The following C1orf167 variants were observed in gnomAD, a reference collection of about 807,000 sequenced individuals.
The protein encoded by C1orf167 is uncharacterized protein C1orf167.
C1orf167 carries 153 observed loss-of-function variants against 176.5 expected under a neutral mutation model. The observed-to-expected ratio is 0.87, with a 90% CI of 0.76 to 0.99. The LOEUF (loss-of-function observed/expected upper bound fraction) is 0.99, where lower values mean the gene tolerates loss of function less well. C1orf167 is among the 50% of genes least tolerant of loss of function. The probability of loss-of-function intolerance (pLI) is 0.00; values close to 1 mark genes in which losing one functional copy is unlikely to be tolerated. For synonymous variants in C1orf167, 594 were observed against 752.7 expected (o/e 0.79, Z 3.45); for missense variants, 1,490 against 1,817.7 (o/e 0.82, Z 3.28).
At chr1:11,762,375 G>A in intron 1 of C1orf167, 70 bp downstream of exon 1, 2 of 353,648 alleles carry the variant, frequency 5.7e-6, no homozygotes, top group South Asian at 4.2e-5. Context: ...GGGAGGCTGT[G>A]AGCCCCCTTA....
intron 17 of C1orf167, 31 bp downstream of exon 17, chr1:11,787,524 G>C (rs1272087701): frequency 7.9e-7 from 1 of 1,268,528 alleles, no homozygotes; most frequent in Admixed American, 2.5e-5. Flanking sequence ...GGGACAAACG[G>C]TGTCTGAAGT....
chr1:11,764,480 T>G lies in C1orf167; in HGVS notation c.70+10T>G, dbSNP rs1195577297. ...GCGCTCCCGAAGCCAGGCAAGAGGC[T>G]TAGTGGGCCTGGATGGGCAGTTACA... is the stretch of plus-strand genomic sequence containing the variant. On this transcript the variant is annotated intron_variant, in intron 2 of 20. Coordinates refer to ENST00000688073, the MANE Select transcript of C1orf167 (RefSeq NM_001010881.2). The G allele has an allele frequency of 2.3e-6, 3 of 1,289,150 alleles. No homozygotes were observed. The highest frequency in any genetic ancestry group is 3.0e-6 in the Non-Finnish European group (3 of 988,742). The allele number at this position is 1,289,150 out of a possible 1,614,324, so 79.9% of individuals were successfully genotyped here.
At position 11,768,004 on chromosome 1, in the gene C1orf167, G is replaced by A. The variant is rs1642880454; in HGVS notation, c.1344-73G>A. ...GATTGCTGGAAAGGCATCTCAGAGG[G>A]TATCCAGCCACTGGGCTGTCCCTGG... On this transcript the variant is annotated intron_variant, in intron 4 of 20. Transcript: ENST00000688073. The surrounding 1 kb of genome is among the most constrained non-coding windows in gnomAD (Gnocchi z 4.5). The A allele has an allele frequency of 8.7e-7, 1 of 1,144,154 alleles. No individual in the cohort carries two copies. Among genetic ancestry groups the A allele is most frequent in the African/African-American group, 1.6e-5 (1 of 62,282 alleles). The allele number at this position is 1,144,154 out of a possible 1,614,324, so 70.9% of individuals were successfully genotyped here.
chr1:11,773,633 G>A (rs918402129), intron 8 of C1orf167, among the ~76,000 whole-genome samples: 8 of 152,030 alleles, frequency 5.3e-5, no homozygotes, highest in Non-Finnish European at 8.8e-5. Flanking sequence ...GCTTGAACCC[G>A]GGAGGCAGAG....
At chr1:11,762,470 C>T (rs1642556826) in intron 1 of C1orf167, among the ~76,000 whole-genome samples, 165 bp downstream of exon 1, 1 of 151,864 alleles carries the variant, frequency 6.6e-6, no homozygotes, top group South Asian at 2.1e-4. Context: ...AGAGCTCCGG[C>T]GTGAGGGGCA....
rs970532415 is a variant in C1orf167 at position 11,762,492 on chromosome 1, A to C, written c.-71+187A>C. ...CGGCGTGAGGGGCAGGGGTGCAGGA[A>C]GGTCTCCTGTGGATTGAGCGGCCTC... On this transcript the variant is annotated intron_variant, in intron 1 of 20. Transcript: ENST00000688073. 2.6e-5 allele frequency among the ~76,000 whole-genome samples: 4 copies of C among 152,292 alleles called. No individual in the cohort carries two copies. In the East Asian group the frequency reaches 7.7e-4, roughly 29 times the overall value.
Position 11,788,640 on chromosome 1 carries a change from C to G in C1orf167, c.4079-12C>G. 9 of 1,304,118 alleles carry G rather than the reference C, an allele frequency of 6.9e-6. No individual in the cohort carries two copies. The highest frequency in any genetic ancestry group is 9.1e-6 in the Non-Finnish European group (9 of 988,814). The allele number at this position is 1,304,118 out of a possible 1,614,324, so 80.8% of individuals were successfully genotyped here. A position where few individuals can be genotyped will look rare whatever the true frequency, so the allele number is the denominator to read the frequency against. ...GAGCACAAGAGGCCTTCTCTGCCAA[C>G]TGTCCCCAAAGCTCAGGGAGTGGCA... On this transcript the variant is annotated splice_polypyrimidine_tract_variant and intron_variant, in intron 19 of 20. Coordinates refer to ENST00000688073, the MANE Select transcript of C1orf167 (RefSeq NM_001010881.2).
In C1orf167 at chr1:11,789,490, C is replaced by T; in HGVS notation, c.*44C>T. On this transcript the variant is annotated 3_prime_UTR_variant, in exon 21 of 21. Transcript: ENST00000688073. ...AAAACAGAACTGAACTTAGCCTTCCCAGGGAAGGAACCATGCCCCACACAT... is the reference window on the plus strand; with the variant it reads ...AAAACAGAACTGAACTTAGCCTTCCTAGGGAAGGAACCATGCCCCACACAT... The T allele has an allele frequency of 7.7e-7, 1 of 1,290,342 alleles. No homozygotes were observed. The allele number at this position is 1,290,342 out of a possible 1,614,324, so 79.9% of individuals were successfully genotyped here.
At chr1:11,779,640 G>T in intron 12 of C1orf167, 162 bp from the exon 13 acceptor site, 1 of 427,516 alleles carries the variant, frequency 2.3e-6, no homozygotes, top group South Asian at 2.1e-5. Flanking sequence ...AGAGGTGCTT[G>T]GCCCCTCCAG....
Position 11,768,154 on chromosome 1 carries a change from T to TGGCACTGGGCCGCTGGCAGC in C1orf167, c.1422_1441dup (p.Leu481ArgfsTer97). The TGGCACTGGGCCGCTGGCAGC allele has an allele frequency of 7.8e-7, 1 of 1,287,904 alleles. No homozygotes were observed. Among genetic ancestry groups the TGGCACTGGGCCGCTGGCAGC allele is most frequent in the East Asian group, 5.6e-5 (1 of 18,002 alleles). 79.8% of individuals were successfully genotyped at this position (1,287,904 alleles called of 1,614,324 possible). On this transcript the variant is annotated frameshift_variant, in exon 5 of 21. Transcript: ENST00000688073. LOFTEE classifies it high-confidence loss of function. This position sits in a 1 kb window ranked among gnomAD's most constrained non-coding sequence, Gnocchi z 4.5. ...CAGCGGGAGCCAGCGGCGGCGGCAG[T>TGGCACTGGGCCGCTGGCAGC]GGCACTGGGCCGCTGGCAGCTGTTG...
At chr1:11,776,316 G>C (rs1481987422) in intron 9 of C1orf167, 148 bp from the exon 10 acceptor site, 1 of 629,140 alleles carries the variant, frequency 1.6e-6, no homozygotes, top group African/African-American at 2.0e-5. Context: ...GGATCTTTGA[G>C]GTGACCTGGA....
rs377677347 is a variant in C1orf167, at chr1:11,780,528, T to C, written c.2860+518T>C. Among the ~76,000 whole-genome samples, 24 of 152,326 alleles carry C rather than the reference T, an allele frequency of 1.6e-4. 3 individuals are homozygous for C. The highest frequency in any genetic ancestry group is 5.2e-4 in the Admixed American group (8 of 15,294). On this transcript the variant is annotated intron_variant, in intron 13 of 20. Transcript: ENST00000688073. Reference sequence around the variant, plus strand: ...CTCTGTAGTCTTGAGTTTGAATCCCTGCTCTTCCATACCCTGACTGTGTGA... The same window carrying C: ...CTCTGTAGTCTTGAGTTTGAATCCCCGCTCTTCCATACCCTGACTGTGTGA...
rs771218909 is a variant in C1orf167 at position 11,764,455 on chromosome 1, G to A, written c.55G>A (p.Ala19Thr). ...HKENVSPKPA[A>T]LPKPEQRRFR... ...GGAGAATGTGTCCCCAAAGCCTGCA[G>A]CGCTCCCGAAGCCAGGCAAGAGGCT... The change falls in exon 2 of 21, where the codon GCG (alanine) becomes ACG (threonine). Residue 19 changes from alanine to threonine, a missense_variant. Coordinates refer to ENST00000688073, the MANE Select transcript of C1orf167 (RefSeq NM_001010881.2). 13 of 1,289,328 alleles carry A rather than the reference G, an allele frequency of 1.0e-5. No individual in the cohort carries two copies. Among genetic ancestry groups the A allele is most frequent in the Non-Finnish European group, 1.3e-5 (13 of 988,880 alleles). 79.9% of individuals were successfully genotyped at this position (1,289,328 alleles called of 1,614,324 possible).
intron 8 of C1orf167, among the ~76,000 whole-genome samples, chr1:11,772,482 G>A (rs981987009): frequency 6.6e-6 from 1 of 152,130 alleles, no homozygotes; most frequent in Non-Finnish European, 1.5e-5. Context: ...GCCCAGGCTG[G>A]TCTCGAACTC....
chr1:11,784,057 C>A (rs1278063921), intron 14 of C1orf167, 117 bp from the exon 15 acceptor site: 4 of 932,832 alleles, frequency 4.3e-6, no homozygotes, highest in Non-Finnish European at 5.7e-6. Flanking sequence ...GGGGTTTCAC[C>A]ACGTTGGTCA....
chr1:11,788,509 C>T, intron 19 of C1orf167, 131 bp downstream of exon 19: 1 of 1,102,566 alleles, frequency 9.1e-7, no homozygotes, highest in Non-Finnish European at 1.2e-6. Context: ...CAGGAATCTG[C>T]ATTCTTAATA....
chr1:11,788,602 T>C (rs1643974286), intron 19 of C1orf167, 50 bp from the exon 20 acceptor site: 1 of 1,280,614 alleles, frequency 7.8e-7, no homozygotes, highest in Non-Finnish European at 1.0e-6. Flanking sequence ...GGCTGGGGAC[T>C]GCGGGGGAGC....
chr1:11,777,772 G>A (rs754883994), intron 10 of C1orf167: 1 of 152,172 alleles, frequency 6.6e-6, no homozygotes. Flanking sequence ...CTTTCAGAAT[G>A]TGGGGGCACT....
intron 15 of C1orf167, 115 bp from the exon 16 acceptor site, chr1:11,785,033 G>A: frequency 1.0e-6 from 1 of 954,746 alleles, no homozygotes; most frequent in South Asian, 1.9e-5. Flanking sequence ...GAGGTGGGTG[G>A]GCCCCAGCCT....
Sources: gnomAD v4.1 joint callset for allele counts (sites outside exome capture counted in the v4.1 genomes callset) on GRCh38, gnomAD v4.1.1 for gene constraint, Gnocchi (gnomAD v3.1) non-coding constraint, MANE v1.5 for transcripts, NCBI Gene and HGNC (gene_info 2026-07-23, HGNC 2026-07-21) for gene names.